CNOT9: variants seen among roughly 807,000 people sequenced by gnomAD.
CNOT9 encodes RCD1 required for cell differentiation1 homolog.
CNOT9 carries 8 observed loss-of-function variants against 37.4 expected under a neutral mutation model. The ratio of observed to expected loss-of-function variants is 0.21; its 90% confidence interval spans 0.13 to 0.39. CNOT9 has a LOEUF of 0.39. Ranked by LOEUF, CNOT9 falls within the 10% of genes least tolerant of loss-of-function variation. The pLI is 1.00. For missense variants in CNOT9, 154 were observed against 365.3 expected (o/e 0.42, Z 4.71); for synonymous variants, 120 against 137.6 (o/e 0.87, Z 0.90).
chr2:218,573,369 G>T (rs1440853820), intron 1 of CNOT9, among the ~76,000 whole-genome samples: 1 of 150,798 alleles, frequency 6.6e-6, no homozygotes, highest in Non-Finnish European at 1.5e-5. Flanking sequence ...AAATTATGAA[G>T]GTAAGCTAAT....
intron 5 of CNOT9, among the ~76,000 whole-genome samples, chr2:218,590,370 G>A (rs1439816000): frequency 2.6e-5 from 4 of 152,084 alleles, no homozygotes; most frequent in Non-Finnish European, 1.5e-5. Flanking sequence ...TTTTAATCTG[G>A]TTATAGTACA....
chr2:218,593,058 A>G (rs935677307), intron 7 of CNOT9: 4 of 275,162 alleles, frequency 1.5e-5, no homozygotes, highest in Non-Finnish European at 6.8e-6. Context: ...AAAGGAACAC[A>G]GCCCAGAGGG....
At chr2:218,570,010 T>C (rs1414800759) in intron 1 of CNOT9, among the ~76,000 whole-genome samples, 1 of 152,216 alleles carries the variant, frequency 6.6e-6, no homozygotes, top group Non-Finnish European at 1.5e-5. Context: ...TTATTTGTTG[T>C]CTGTCTCCTT....
Position 218,580,684 on chromosome 2 carries a change from C to G in CNOT9, c.148C>G (p.Pro50Ala), listed in dbSNP as rs1405200853. 3 of 1,614,168 alleles carry G rather than the reference C, an allele frequency of 1.9e-6. No homozygotes were observed. The East Asian group carries it at 6.7e-5, about 36-fold the overall frequency. The change falls in exon 2 of 8, where the codon CCT (proline) becomes GCT (alanine). Residue 50 changes from proline to alanine, a missense_variant. Coordinates refer to ENST00000273064, the MANE Select transcript of CNOT9 (RefSeq NM_005444.3). The part of the protein sequence containing the change: ...LELSKKRESV[P>A]DLAPMLWHSF... Reference sequence around the variant, plus strand: ...GCTAAGTAAGAAGCGAGAATCTGTTCCTGACCTTGCACCCATGCTGTGGCA... The same window carrying G: ...GCTAAGTAAGAAGCGAGAATCTGTTGCTGACCTTGCACCCATGCTGTGGCA...
Position 218,595,107 on chromosome 2 carries a change from C to G in CNOT9, c.*831C>G. The G allele has an allele frequency of 6.6e-6, 1 of 152,188 alleles. No homozygotes were observed. 9.4% of individuals were successfully genotyped at this position (152,188 alleles called of 1,614,324 possible). The stretch of plus-strand genomic sequence containing the variant: ...TGCTTTCCCTTTTTGAACTTCCCTT[C>G]TATTAAACTTAAAACAGATGTCTTA... On this transcript the variant is annotated 3_prime_UTR_variant, in exon 8 of 8. Transcript: ENST00000273064.
At position 218,587,704 on chromosome 2, in the gene CNOT9, T is replaced by C; in HGVS notation, c.540+9T>C. 6.7e-7 allele frequency: 1 copy of C among 1,491,652 alleles called. No individual in the cohort carries two copies. The highest frequency in any genetic ancestry group is 9.2e-7 in the Non-Finnish European group (1 of 1,085,490). 92.4% of individuals were successfully genotyped at this position (1,491,652 alleles called of 1,614,324 possible). A position where few individuals can be genotyped will look rare whatever the true frequency, so the allele number is the denominator to read the frequency against. On this transcript the variant is annotated intron_variant, in intron 5 of 7. Coordinates refer to ENST00000273064, the MANE Select transcript of CNOT9 (RefSeq NM_005444.3). Reference sequence around the variant, plus strand: ...GTGAACTTTCTAAAACAGTATGTACTTTTAACTTAGATTTTACATTGTGTT... The same window carrying C: ...GTGAACTTTCTAAAACAGTATGTACCTTTAACTTAGATTTTACATTGTGTT...
intron 5 of CNOT9, among the ~76,000 whole-genome samples, chr2:218,589,773 G>C (rs1694714974): frequency 6.6e-6 from 1 of 152,198 alleles, no homozygotes; most frequent in South Asian, 2.1e-4. Flanking sequence ...CTCTGGAGTA[G>C]GTAGCTTTGA....
intron 2 of CNOT9, among the ~76,000 whole-genome samples, chr2:218,582,506 C>T (rs569250803): frequency 2.6e-5 from 4 of 152,068 alleles, no homozygotes; most frequent in African/African-American, 7.2e-5. Flanking sequence ...CTGGCTAACA[C>T]GGTGAAACCC....
intron 4 of CNOT9, among the ~76,000 whole-genome samples, chr2:218,585,068 T>C (rs1694542284): frequency 6.6e-6 from 1 of 152,236 alleles, no homozygotes; most frequent in African/African-American, 2.4e-5. Context: ...TCCTCTTCCC[T>C]TCTCTCTTCT....
chr2:218,594,183 C>G lies in CNOT9; in HGVS notation c.807C>G (p.Asp269Glu). The G allele has an allele frequency of 6.2e-7, 1 of 1,614,252 alleles. No homozygotes were observed. The highest frequency in any genetic ancestry group is 8.5e-7 in the Non-Finnish European group (1 of 1,180,044). ...DTTFAQVLKD[D>E]TTTKRWLAQL... ...CCTTCGCCCAGGTGCTAAAAGATGA[C>G]ACCACCACGAAACGCTGGCTTGCAC... The change falls in exon 8 of 8, where the codon GAC becomes GAG. Residue 269 changes from aspartate (D) to glutamate (E), a missense_variant. By Grantham distance (45) the Asp-to-Glu change is conservative (BLOSUM62 2). This residue lies in a region of CNOT9 where 117 missense variants were observed against 325.4 expected (regional missense o/e 0.36). Transcript: ENST00000273064.
intron 1 of CNOT9, 93 bp downstream of exon 1, chr2:218,569,071 T>G (rs1693843944): frequency 1.4e-6 from 2 of 1,426,992 alleles, no homozygotes; most frequent in Non-Finnish European, 1.9e-6. Flanking sequence ...GGGTCCCTAG[T>G]CTGATTTTTT....
Position 218,596,334 on chromosome 2 carries a change from G to A in CNOT9, c.*2058G>A, listed in dbSNP as rs1360894359. ...TATTCATTGTAGTTGATCCTGGTGT[G>A]TGTATTATATAAAGAGACCCCTCCC... is the stretch of plus-strand genomic sequence containing the variant. On this transcript the variant is annotated 3_prime_UTR_variant, in exon 8 of 8. Coordinates refer to ENST00000273064, the MANE Select transcript of CNOT9 (RefSeq NM_005444.3). The A allele has an allele frequency of 6.6e-6, 1 of 152,152 alleles. No homozygotes were observed. The highest frequency in any genetic ancestry group is 1.9e-4 in the East Asian group (1 of 5,198). The allele number at this position is 152,152 out of a possible 1,614,324, so 9.4% of individuals were successfully genotyped here.
intron 5 of CNOT9, among the ~76,000 whole-genome samples, chr2:218,588,588 CTTTTTT>C (rs1172484260): frequency 3.6e-4 from 12 of 33,452 alleles, no homozygotes; most frequent in East Asian, 1.2e-3. Context: ...TCCACCCGGC[CTTTTTT>C]TTTTTTTTTT....
intron 1 of CNOT9, among the ~76,000 whole-genome samples, chr2:218,576,748 A>C (rs1694183477): frequency 1.3e-5 from 2 of 152,184 alleles, no homozygotes; most frequent in Non-Finnish European, 2.9e-5. Context: ...CAGGCAGATC[A>C]CTTCAGGTCA....
intron 7 of CNOT9, chr2:218,593,591 C>G: frequency 6.7e-7 from 1 of 1,482,078 alleles, no homozygotes; most frequent in Non-Finnish European, 9.0e-7. Flanking sequence ...AAAAGTTCAT[C>G]TGATAATACT....
At chr2:218,593,222 A>G (rs898380312) in intron 7 of CNOT9, 5 of 288,288 alleles carry the variant, frequency 1.7e-5, no homozygotes, top group Non-Finnish European at 3.2e-5. Context: ...TTGTAAATCC[A>G]TAATTCATGC....
chr2:218,592,435 C>A lies in CNOT9; in HGVS notation c.639+33C>A. Reference sequence around the variant, plus strand: ...CTTTCATCTATCCCCTTTACAACTACTTCTCATCACAAAGCTTAATCTCTT... The same window carrying A: ...CTTTCATCTATCCCCTTTACAACTAATTCTCATCACAAAGCTTAATCTCTT... On this transcript the variant is annotated intron_variant, in intron 6 of 7. Transcript: ENST00000273064. The surrounding 1 kb of genome is among the most constrained non-coding windows in gnomAD (Gnocchi z 4.1). 1.3e-6 allele frequency: 2 copies of A among 1,550,974 alleles called. No individual in the cohort carries two copies. The highest frequency in any genetic ancestry group is 1.8e-6 in the Non-Finnish European group (2 of 1,122,526).
rs560271224 is a variant in CNOT9, at chr2:218,581,665, A to T, written c.204+925A>T. Among the ~76,000 whole-genome samples the T allele has an allele frequency of 2.0e-5, 3 of 152,196 alleles. No individual in the cohort carries two copies. The South Asian group carries it at 6.2e-4, about 31-fold the overall frequency. ...CATTAAAGTATTGCCCCAAATTCCT[A>T]ACAATTAGATTAACTTTTCAACTCT... On this transcript the variant is annotated intron_variant, in intron 2 of 7. Transcript: ENST00000273064.
At chr2:218,585,530 A>G (rs1694559258) in intron 4 of CNOT9, among the ~76,000 whole-genome samples, 1 of 151,834 alleles carries the variant, frequency 6.6e-6, no homozygotes, top group Non-Finnish European at 1.5e-5. Flanking sequence ...GCAGTGAGCC[A>G]AGATCACGCC....
Sources: gnomAD v4.1 joint callset for allele counts (sites outside exome capture counted in the v4.1 genomes callset) on GRCh38, gnomAD v4.1.1 for gene constraint, gnomAD v4.1.1 regional missense constraint, Gnocchi (gnomAD v3.1) non-coding constraint, MANE v1.5 for transcripts, NCBI Gene and HGNC (gene_info 2026-07-23, HGNC 2026-07-21) for gene names.